Variants in C5 observed in about 807,000 individuals in gnomAD.
C5 encodes C3 and PZP-like alpha-2-macroglobulin domain-containing protein 4.
C5 carries 140 observed loss-of-function variants against 218.8 expected under a neutral mutation model. The ratio of observed to expected loss-of-function variants is 0.64; its 90% CI spans 0.56 to 0.74. The LOEUF (loss-of-function observed/expected upper bound fraction) is 0.74. C5 is among the 30% of genes least tolerant of loss of function. C5 has a pLI of 0.00. For missense variants in C5, 1,700 were observed against 1,969.6 expected (o/e 0.86, Z 2.59); for synonymous variants, 614 against 682.3 (o/e 0.90, Z 1.56).
chr9:120,965,387 G>A (rs375159748), intron 33 of C5, among the ~76,000 whole-genome samples: 511 of 152,174 alleles, frequency 3.4e-3, no homozygotes, highest in African/African-American at 0.011. Context: ...GGCTGTGGTA[G>A]CTCACACCTG....
At chr9:121,052,555 G>A (rs1468620064), upstream of C5, among the ~76,000 whole-genome samples, 1 of 151,382 alleles carries the variant, frequency 6.6e-6, no homozygotes, top group Non-Finnish European at 1.5e-5. Context: ...TTCTAAAAGA[G>A]AAGAAACTCA....
At chr9:120,983,459 G>A (rs921622022) in intron 25 of C5, among the ~76,000 whole-genome samples, 2 of 152,058 alleles carry the variant, frequency 1.3e-5, no homozygotes, top group Non-Finnish European at 2.9e-5. Context: ...CACTCCCCAG[G>A]TCCTCAAATG....
chr9:120,975,717 CT>C (rs1339078867), intron 29 of C5, among the ~76,000 whole-genome samples: 6 of 152,190 alleles, frequency 3.9e-5, no homozygotes, highest in South Asian at 2.1e-4. Flanking sequence ...TGCAGCCCCC[CT>C]GATCTTGGAC....
At chr9:121,027,908 G>A (rs1053740151) in intron 7 of C5, among the ~76,000 whole-genome samples, 3 of 152,048 alleles carry the variant, frequency 2.0e-5, no homozygotes, top group Non-Finnish European at 4.4e-5. Context: ...TGAACAGGCA[G>A]CCCACAGAAT....
At chr9:121,052,537 T>C (rs550658138), upstream of C5, among the ~76,000 whole-genome samples, 3 of 151,664 alleles carry the variant, frequency 2.0e-5, no homozygotes, top group South Asian at 6.2e-4. Flanking sequence ...TTTATACAAA[T>C]ACTGCATTTC....
At chr9:121,036,706 C>T (rs2047528197) in intron 4 of C5, among the ~76,000 whole-genome samples, 1 of 152,118 alleles carries the variant, frequency 6.6e-6, no homozygotes, top group Non-Finnish European at 1.5e-5. Flanking sequence ...TTAACTACTC[C>T]GTTCCAGAGA....
Position 121,025,582 on chromosome 9 carries a change from T to C in C5, c.874-2A>G. On this transcript the variant is annotated splice_acceptor_variant, in intron 8 of 40. Coordinates refer to ENST00000223642, the MANE Select transcript of C5 (RefSeq NM_001735.3). LOFTEE classifies it high-confidence loss of function. ...GACTTGAGCAATTCCATTTATCAAC[T>C]TTTTAAAAGGAGAAAAAGGAGGAGT... is the stretch of plus-strand genomic sequence containing the variant. The C allele has an allele frequency of 6.2e-7, 1 of 1,611,616 alleles. No individual in the cohort carries two copies. Among genetic ancestry groups the C allele is most frequent in the Non-Finnish European group, 8.5e-7 (1 of 1,179,272 alleles).
intron 28 of C5, 106 bp downstream of exon 28, chr9:120,979,977 G>T (rs966803966): frequency 2.2e-6 from 2 of 922,004 alleles, no homozygotes; most frequent in Admixed American, 3.5e-5. Context: ...CTTGAGGACA[G>T]GAATTGCATC....
At chr9:121,057,581 T>G in the C5 span, among the ~76,000 whole-genome samples, 6 of 152,260 alleles carry the variant, frequency 3.9e-5, no homozygotes, top group East Asian at 1.2e-3. Flanking sequence ...TTATGAGATG[T>G]TATTTGCAAG....
the C5 span, among the ~76,000 whole-genome samples, chr9:121,070,510 T>G: frequency 1.3e-5 from 2 of 149,946 alleles, no homozygotes; most frequent in Non-Finnish European, 3.0e-5. Context: ...CATATATATA[T>G]ACATACATAC....
the C5 span, among the ~76,000 whole-genome samples, chr9:121,068,206 G>GAAATAGA: frequency 6.6e-6 from 1 of 152,156 alleles, no homozygotes; most frequent in Non-Finnish European, 1.5e-5. Context: ...TCTATTTGCA[G>GAAATAGA]ATGACATAAT....
At chr9:121,070,343 A>G in the C5 span, among the ~76,000 whole-genome samples, 106,558 of 141,754 alleles carry the variant, frequency 0.75, 40,592 homozygotes, top group East Asian at 0.96. Flanking sequence ...GGCAACAAGA[A>G]CAAAATTCTG....
chr9:120,978,729 T>A (rs893972593), intron 28 of C5, among the ~76,000 whole-genome samples: 1 of 152,226 alleles, frequency 6.6e-6, no homozygotes, highest in African/African-American at 2.4e-5. Context: ...TCTTGACCTA[T>A]AGGAAGCAGT....
At chr9:120,965,569 G>A (rs2046861364) in intron 33 of C5, among the ~76,000 whole-genome samples, 1 of 149,896 alleles carries the variant, frequency 6.7e-6, no homozygotes. Flanking sequence ...AATAAAAGCA[G>A]TCCCCATTAG....
chr9:120,986,158 T>C (rs938992353), intron 25 of C5, among the ~76,000 whole-genome samples: 1 of 152,146 alleles, frequency 6.6e-6, no homozygotes, highest in African/African-American at 2.4e-5. Context: ...AACCTTAGTC[T>C]CTTGAGTTTG....
At chr9:121,074,845 G>T in the C5 span, 1 of 456,100 alleles carries the variant, frequency 2.2e-6, no homozygotes, top group African/African-American at 2.0e-5. Flanking sequence ...ATCCTAGCGC[G>T]CTGGCTGCAA....
rs765375025 is a variant in C5 at position 120,976,862 on chromosome 9, A to G, written c.3702T>C (p.His1234=). 143 of 1,614,056 alleles carry G rather than the reference A, an allele frequency of 8.9e-5. 1 individual carries two copies. The highest frequency in any genetic ancestry group is 1.2e-4 in the Non-Finnish European group (140 of 1,180,018). The change falls in exon 29 of 41, where the codon CAT becomes CAC. Residue 1234 remains histidine, a synonymous_variant. Coordinates refer to ENST00000223642, the MANE Select transcript of C5 (RefSeq NM_001735.3). The part of the protein sequence containing the change: ...IYRFWKDNLQ[H]KDSSVPNTGT... Reference sequence around the variant, plus strand: ...CAGTGTTAGGTACAGAGCTGTCTTTATGCTGAAGATTGTCTTTCCAAAAAC... The same window carrying G: ...CAGTGTTAGGTACAGAGCTGTCTTTGTGCTGAAGATTGTCTTTCCAAAAAC...
intron 25 of C5, 38 bp downstream of exon 25, chr9:120,989,008 C>T: frequency 7.1e-7 from 1 of 1,401,248 alleles, no homozygotes; most frequent in Non-Finnish European, 1.0e-6. Flanking sequence ...AGTTAATTAA[C>T]CACTATATGA....
intron 29 of C5, among the ~76,000 whole-genome samples, chr9:120,976,162 A>G (rs2046951818): frequency 6.6e-6 from 1 of 152,230 alleles, no homozygotes. Flanking sequence ...CAGGGAAGAT[A>G]TTAACATTCG....
Sources: gnomAD v4.1 joint callset for allele counts (sites outside exome capture counted in the v4.1 genomes callset) on GRCh38, gnomAD v4.1.1 for gene constraint, MANE v1.5 for transcripts, NCBI Gene and HGNC (gene_info 2026-07-23, HGNC 2026-07-21) for gene names.